GPC3: variants seen among roughly 807,000 people sequenced by gnomAD.
The protein encoded by GPC3 is glypican-3.
A neutral mutation model predicts 34.4 loss-of-function variants in GPC3; 3 were observed. The observed-to-expected ratio is 0.09, with a 90% confidence interval of 0.04 to 0.23. GPC3 has a LOEUF of 0.23. GPC3 is among the 10% of genes least tolerant of loss of function. The probability of loss-of-function intolerance (pLI) is 1.00; values close to 1 mark genes in which losing one functional copy is unlikely to be tolerated. For synonymous variants in GPC3, 177 were observed against 174.0 expected, an observed-to-expected ratio of 1.02 and a Z score of -0.13; for missense variants, 351 against 445.6, an observed-to-expected ratio of 0.79 and a Z score of 1.91.
At chrX:133,570,138 G>T (rs1408340879) in intron 7 of GPC3, among the ~76,000 whole-genome samples, 1 of 111,069 alleles carries the variant, frequency 9.0e-6, no homozygotes, top group African/African-American at 3.3e-5. Context: ...TGATCCATCC[G>T]CCTTGGCCTC....
Position 133,681,165 on chromosome X carries a change from C to T in GPC3, c.1292+11204G>A, listed in dbSNP as rs755691125. On this transcript the variant is annotated intron_variant, in intron 5 of 7. Coordinates refer to ENST00000370818, the MANE Select transcript of GPC3 (RefSeq NM_004484.4). ...CATTTTTGAGAGACTAACTGTGTTC[C>T]AGGCACTATACTCTGCACTTCGCAA... 1.3e-4 allele frequency among the ~76,000 whole-genome samples: 14 copies of T among 111,573 alleles called. 1 individual carries two copies. The Middle Eastern group carries it at 0.023, about 183-fold the overall frequency.
At chrX:133,557,486 A>G (rs1388209812) in intron 7 of GPC3, among the ~76,000 whole-genome samples, 1 of 110,918 alleles carries the variant, frequency 9.0e-6, no homozygotes, top group Non-Finnish European at 1.9e-5. Flanking sequence ...AAACAAACAC[A>G]ACACAAAACA....
At chrX:133,860,944 A>AT (rs397840252) in intron 2 of GPC3, among the ~76,000 whole-genome samples, 1 of 110,777 alleles carries the variant, frequency 9.0e-6, no homozygotes, top group African/African-American at 3.3e-5. Flanking sequence ...TCTACAAAAA[A>AT]TAGAAAAATT....
At chrX:133,840,612 ATCATCT>A (rs753694029) in intron 2 of GPC3, among the ~76,000 whole-genome samples, 14 of 110,805 alleles carry the variant, frequency 1.3e-4, no homozygotes, top group Non-Finnish European at 1.9e-4. Context: ...CATCATCATC[ATCATCT>A]TCATCACCAT....
intron 2 of GPC3, among the ~76,000 whole-genome samples, chrX:133,811,448 T>G (rs2075665409): frequency 8.9e-6 from 1 of 111,782 alleles, no homozygotes; most frequent in African/African-American, 3.3e-5. Context: ...TTTGTTTTGT[T>G]TTTTGTTTTT....
At chrX:133,664,864 A>C (rs995600226) in intron 5 of GPC3, among the ~76,000 whole-genome samples, 2 of 110,059 alleles carry the variant, frequency 1.8e-5, no homozygotes, top group Admixed American at 9.7e-5. Context: ...TGGATGCTGC[A>C]GTGTTGAGCC....
chrX:133,665,976 CA>C (rs911049727), intron 5 of GPC3, among the ~76,000 whole-genome samples: 3 of 111,610 alleles, frequency 2.7e-5, no homozygotes, highest in Non-Finnish European at 3.8e-5. Flanking sequence ...GCTTGCCAAC[CA>C]CTTTTATGTC....
chrX:133,977,444 A>G (rs1302175406), intron 1 of GPC3, among the ~76,000 whole-genome samples: 1 of 112,149 alleles, frequency 8.9e-6, no homozygotes, highest in African/African-American at 3.2e-5. Flanking sequence ...AATCCTTTCC[A>G]TCTGTCGTAT....
chrX:133,834,923 C>T (rs1041927522), intron 2 of GPC3, among the ~76,000 whole-genome samples: 16 of 111,963 alleles, frequency 1.4e-4, no homozygotes, highest in Non-Finnish European at 2.8e-4. Context: ...ACAATAAAAA[C>T]ATGCAAGCCA....
At chrX:133,786,043 C>T (rs939881983) in intron 2 of GPC3, among the ~76,000 whole-genome samples, 4 of 111,729 alleles carry the variant, frequency 3.6e-5, no homozygotes, top group Admixed American at 1.9e-4. Context: ...AAAAGATAAA[C>T]GTCTCTCATC....
intron 2 of GPC3, among the ~76,000 whole-genome samples, chrX:133,926,049 A>T (rs948462736): frequency 2.7e-5 from 3 of 111,645 alleles, no homozygotes; most frequent in African/African-American, 9.8e-5. Flanking sequence ...TATGTTGTAC[A>T]GAGGAGTCAC....
At position 133,926,120 on chromosome X, in the gene GPC3, C is replaced by CTG. The variant is rs200443996; in HGVS notation, c.337+26928_337+26929dup. Among the ~76,000 whole-genome samples the CTG allele has an allele frequency of 1.3e-3, 144 of 111,562 alleles. No individual in the cohort carries two copies. In the East Asian group the frequency reaches 0.035, roughly 27 times the overall value. On this transcript the variant is annotated intron_variant, in intron 2 of 7. Transcript: ENST00000370818. ...AAAGCTCCCTGACAACTCTGATATG[C>CTG]TGTGATTCTATGGAACCACCTCCCT...
chrX:133,706,750 T>C (rs1466965936), intron 3 of GPC3, among the ~76,000 whole-genome samples: 1 of 111,928 alleles, frequency 8.9e-6, no homozygotes, highest in East Asian at 2.8e-4. Context: ...TACACACTGC[T>C]GGTGGGAGTG....
intron 2 of GPC3, among the ~76,000 whole-genome samples, chrX:133,811,452 TGTTTTTC>T (rs1163655769): frequency 1.8e-5 from 2 of 112,010 alleles, no homozygotes; most frequent in African/African-American, 6.5e-5. Flanking sequence ...TTTTGTTTTT[TGTTTTTC>T]GGTTTTTGGT....
chrX:133,643,836 T>G (rs970350225), intron 6 of GPC3, among the ~76,000 whole-genome samples: 2 of 108,790 alleles, frequency 1.8e-5, no homozygotes, highest in Non-Finnish European at 3.8e-5. Flanking sequence ...TTTATGTTTT[T>G]TTTTTTTTTG....
At chrX:133,744,968 C>T (rs1196514538) in intron 3 of GPC3, among the ~76,000 whole-genome samples, 3 of 109,645 alleles carry the variant, frequency 2.7e-5, no homozygotes, top group Non-Finnish European at 5.7e-5. Flanking sequence ...ACAATGAGAA[C>T]ACATGGACAC....
chrX:133,927,480 T>A (rs2076280616), intron 2 of GPC3, among the ~76,000 whole-genome samples: 1 of 103,610 alleles, frequency 9.7e-6, no homozygotes, highest in African/African-American at 3.5e-5. Context: ...GGACTTTCAC[T>A]TTTTTTTTTT....
chrX:133,935,981 C>T (rs1944188324), intron 2 of GPC3, among the ~76,000 whole-genome samples: 1 of 109,828 alleles, frequency 9.1e-6, no homozygotes, highest in African/African-American at 3.3e-5. Context: ...GGCGTGATCT[C>T]GACTCACTGC....
intron 6 of GPC3, among the ~76,000 whole-genome samples, chrX:133,643,831 G>GTTTTT (rs778326133): frequency 9.3e-5 from 9 of 96,998 alleles, no homozygotes; most frequent in African/African-American, 3.6e-4. Flanking sequence ...TTGTTTTTAT[G>GTTTTT]TTTTTTTTTT....
Sources: allele counts gnomAD v4.1 joint callset (sites outside exome capture counted in the v4.1 genomes callset), GRCh38; gene constraint gnomAD v4.1.1; transcripts MANE v1.5; gene names NCBI Gene and HGNC (gene_info 2026-07-23, HGNC 2026-07-21).